Variants in DNAH1 observed in about 807,000 individuals in gnomAD.
DNAH1 encodes the protein dynein axonemal heavy chain 1.
In DNAH1, 327 loss-of-function variants were observed where a neutral mutation model predicts 484.3. The ratio of observed to expected loss-of-function variants is 0.68; its 90% CI spans 0.62 to 0.74. The LOEUF is 0.74. DNAH1 is among the 30% of genes least tolerant of loss of function. The probability of loss-of-function intolerance (pLI) is 0.00; values close to 1 mark genes in which losing one functional copy is unlikely to be tolerated. For synonymous variants in DNAH1, 2,192 were observed against 2,191.9 expected (o/e 1.00, Z 0.00); for missense variants, 5,052 against 5,546.8 (o/e 0.91, Z 2.83).
intron 51 of DNAH1, 65 bp downstream of exon 51, chr3:52,383,659 CG>C: frequency 1.4e-6 from 2 of 1,469,406 alleles, no homozygotes. Flanking sequence ...GGGCTGGCCC[CG>C]GGGACACTGG....
At chr3:52,350,676 C>A (rs1024809124) in intron 16 of DNAH1, 86 bp downstream of exon 16, 14 of 1,218,808 alleles carry the variant, frequency 1.1e-5, no homozygotes, top group Non-Finnish European at 1.5e-5. Context: ...AATGCCCCAG[C>A]TGCCACAGTC....
At chr3:52,352,794 T>C in intron 18 of DNAH1, 87 bp downstream of exon 18, 3 of 1,495,086 alleles carry the variant, frequency 2.0e-6, no homozygotes, top group Non-Finnish European at 2.7e-6. Context: ...GGCAGGGCTC[T>C]GGCATTTGGG....
intron 5 of DNAH1, among the ~76,000 whole-genome samples, chr3:52,327,499 C>T (rs1295584690): frequency 6.6e-6 from 1 of 152,094 alleles, no homozygotes; most frequent in Non-Finnish European, 1.5e-5. Context: ...GGAGTAGGGT[C>T]CCCAGGAAAA....
Position 52,350,086 on chromosome 3 carries a change from C to T in DNAH1, c.2624C>T (p.Pro875Leu), listed in dbSNP as rs891121386. ...AELREWMKGI[P>L]ERLVGLEERI... ...CTGCGAGAGTGGATGAAGGGCATCCCGGAGAGGCTGGTGGGCCTGGAGGTG... is the reference window on the plus strand; with the variant it reads ...CTGCGAGAGTGGATGAAGGGCATCCTGGAGAGGCTGGTGGGCCTGGAGGTG... The change falls in exon 15 of 78, where the codon CCG becomes CTG. Residue 875 changes from proline (P) to leucine (L), a missense_variant. This residue lies in a region of DNAH1 where 1,263 missense variants were observed against 1,218.8 expected (regional missense o/e 1.04). Coordinates refer to ENST00000420323, the MANE Select transcript of DNAH1 (RefSeq NM_015512.5). 20 of 1,612,218 alleles carry T rather than the reference C, an allele frequency of 1.2e-5. No individual in the cohort carries two copies. Among genetic ancestry groups the T allele is most frequent in the East Asian group, 8.9e-5 (4 of 44,876 alleles).
At position 52,364,560 on chromosome 3, in the gene DNAH1, G is replaced by A. The variant is rs922470531; in HGVS notation, c.5245-78G>A. On this transcript the variant is annotated intron_variant, in intron 32 of 77. Coordinates refer to ENST00000420323, the MANE Select transcript of DNAH1 (RefSeq NM_015512.5). The surrounding 1 kb of genome is among the most constrained non-coding windows in gnomAD (Gnocchi z 4.2). Reference sequence around the variant, plus strand: ...GGTGATGAGACTTGGCCAACTGCCAGGTGGGAGGCAGAGTGTTCCAGGCAG... The same window carrying A: ...GGTGATGAGACTTGGCCAACTGCCAAGTGGGAGGCAGAGTGTTCCAGGCAG... 34 of 1,535,504 alleles carry A rather than the reference G, an allele frequency of 2.2e-5. No individual in the cohort carries two copies. The East Asian group carries it at 6.1e-4, about 27-fold the overall frequency.
Position 52,320,733 on chromosome 3 carries a change from G to A in DNAH1, c.-34-1676G>A, listed in dbSNP as rs550517667. Among the ~76,000 whole-genome samples, 5 of 152,248 alleles carry A rather than the reference G, an allele frequency of 3.3e-5. No individual in the cohort carries two copies. In the East Asian group the frequency reaches 9.6e-4, roughly 29 times the overall value. ...GGAAAATGGGATGGGGCCAGGGAAGGGGGGCTTGCTTGGGCTAGGCCTCTA... is the reference window on the plus strand; with the variant it reads ...GGAAAATGGGATGGGGCCAGGGAAGAGGGGCTTGCTTGGGCTAGGCCTCTA... On this transcript the variant is annotated intron_variant, in intron 1 of 77. Coordinates refer to ENST00000420323, the MANE Select transcript of DNAH1 (RefSeq NM_015512.5).
Position 52,358,702 on chromosome 3 carries a change from G to A in DNAH1, c.4231G>A (p.Asp1411Asn), listed in dbSNP as rs373438684. ...GCGCAGCATGAAGGCCAGTGTGCAC[G>A]ACATCATTGAGAAGGCCATCAGGGC... ...VERSMKASVHDIIEKAIRAYP... is the reference protein window; with the variant it reads ...VERSMKASVHNIIEKAIRAYP... The change falls in exon 25 of 78, where the codon GAC (aspartate) becomes AAC (asparagine). Residue 1411 changes from aspartate (D) to asparagine (N), a missense_variant. Physicochemically the swap from Asp to Asn is conservative, Grantham distance 23. Transcript: ENST00000420323. This position sits in a 1 kb window ranked among gnomAD's most constrained non-coding sequence, Gnocchi z 4.2. 8 of 1,612,954 alleles carry A rather than the reference G, an allele frequency of 5.0e-6. No homozygotes were observed. Among genetic ancestry groups the A allele is most frequent in the Middle Eastern group, 3.3e-4 (2 of 6,030 alleles).
At chr3:52,345,297 T>C (rs2153223723) in intron 9 of DNAH1, among the ~76,000 whole-genome samples, 198 bp from the exon 10 acceptor site, 1 of 152,180 alleles carries the variant, frequency 6.6e-6, no homozygotes, top group South Asian at 2.1e-4. Context: ...CCTTTACCCA[T>C]CTCAGAGTAG....
chr3:52,373,192 A>C, intron 44 of DNAH1, 139 bp downstream of exon 44: 19 of 866,638 alleles, frequency 2.2e-5, no homozygotes, highest in South Asian at 3.9e-5. Flanking sequence ...AAAGGGGAGG[A>C]GGGGGGCCGG....
At chr3:52,383,282 T>C in intron 50 of DNAH1, 104 bp from the exon 51 acceptor site, 1 of 1,031,446 alleles carries the variant, frequency 9.7e-7, no homozygotes, top group South Asian at 1.5e-5. Flanking sequence ...TGAGCCTTAG[T>C]GGTACAGTCT....
chr3:52,359,842 C>T, intron 26 of DNAH1, 74 bp from the exon 27 acceptor site: 2 of 1,572,436 alleles, frequency 1.3e-6, no homozygotes, highest in South Asian at 1.2e-5. Context: ...TGGCAGAAGC[C>T]CACCCTCTGT....
In DNAH1 at chr3:52,366,450, C is replaced by A. The variant is rs376029097; in HGVS notation, c.5519-7C>A. The A allele has an allele frequency of 6.3e-7, 1 of 1,585,268 alleles. No homozygotes were observed. The highest frequency in any genetic ancestry group is 1.2e-5 in the South Asian group (1 of 86,166). On this transcript the variant is annotated splice_region_variant and splice_polypyrimidine_tract_variant and intron_variant, in intron 34 of 77. Coordinates refer to ENST00000420323, the MANE Select transcript of DNAH1 (RefSeq NM_015512.5). ...CTGACCCTTGGGCCCCATGCCATGT[C>A]CCCCAGGCTTCCTGACAAAGTGCAT...
chr3:52,399,832 C>A, intron 77 of DNAH1, 53 bp downstream of exon 77: 1 of 1,544,118 alleles, frequency 6.5e-7, no homozygotes, highest in Admixed American at 1.8e-5. Context: ...CAGGACTAAC[C>A]CAGCCCAGCC....
At chr3:52,388,996 C>T in intron 59 of DNAH1, 59 bp downstream of exon 59, 3 of 1,513,346 alleles carry the variant, frequency 2.0e-6, no homozygotes, top group South Asian at 1.3e-5. Flanking sequence ...GACCCTTCCC[C>T]CTTGAGGCCT....
intron 8 of DNAH1, among the ~76,000 whole-genome samples, chr3:52,341,462 C>G (rs1701937073): frequency 6.6e-6 from 1 of 151,120 alleles, no homozygotes; most frequent in African/African-American, 2.4e-5. Flanking sequence ...CTGTGGGAAA[C>G]TCTAGAGCAA....
At position 52,361,113 on chromosome 3, in the gene DNAH1, G is replaced by A. The variant is rs1431938032; in HGVS notation, c.4686-51G>A. 7.8e-6 allele frequency: 11 copies of A among 1,403,266 alleles called. No individual in the cohort carries two copies. The East Asian group carries it at 2.7e-4, about 35-fold the overall frequency. The allele number at this position is 1,403,266 out of a possible 1,614,324, so 86.9% of individuals were successfully genotyped here. A position where few individuals can be genotyped will look rare whatever the true frequency, so the allele number is the denominator to read the frequency against. ...TCCACAGGAAATTCCAAGGAAAGGG[G>A]GAGTGTCCAGGCCATGTGCGGCCCG... On this transcript the variant is annotated intron_variant, in intron 28 of 77. Transcript: ENST00000420323. The surrounding 1 kb of genome is among the most constrained non-coding windows in gnomAD (Gnocchi z 5.6).
chr3:52,354,745 T>C, intron 20 of DNAH1, 98 bp from the exon 21 acceptor site: 2 of 1,231,110 alleles, frequency 1.6e-6, no homozygotes, highest in Non-Finnish European at 1.1e-6. Flanking sequence ...GTGGAGGTCA[T>C]GGCCAGGTAC....
chr3:52,332,173 G>T lies in DNAH1; in HGVS notation c.1065G>T (p.Trp355Cys), dbSNP rs1300324860. The T allele has an allele frequency of 6.3e-7, 1 of 1,578,088 alleles. No homozygotes were observed. The highest frequency in any genetic ancestry group is 1.3e-5 in the African/African-American group (1 of 74,150). Residue 355 changes from tryptophan (W) to cysteine (C), a missense_variant, in exon 8 of 78, where the codon TGG (tryptophan) becomes TGT (cysteine). Physicochemically the swap from Trp to Cys is radical, Grantham distance 215. This residue lies in a region of DNAH1 where 1,263 missense variants were observed against 1,218.8 expected (regional missense o/e 1.04). Transcript: ENST00000420323. ...CACCCCTTCAGGTCTGTCAGTACTG[G>T]GTGCCACGGATCCAGCTTCTCTTCT... ...GRPPLQVCQYWVPRIQLLFCA... is the reference protein window; with the variant it reads ...GRPPLQVCQYCVPRIQLLFCA...
intron 34 of DNAH1, among the ~76,000 whole-genome samples, chr3:52,366,008 C>G (rs555255660): frequency 2.0e-5 from 3 of 152,364 alleles, no homozygotes; most frequent in Non-Finnish European, 4.4e-5. Context: ...CATTTATTCC[C>G]TACCCCTGTG....
Sources: allele counts gnomAD v4.1 joint callset (sites outside exome capture counted in the v4.1 genomes callset), GRCh38; gene constraint gnomAD v4.1.1; regional missense constraint gnomAD v4.1.1; non-coding constraint Gnocchi (gnomAD v3.1); transcripts MANE v1.5; gene names NCBI Gene and HGNC (gene_info 2026-07-23, HGNC 2026-07-21).